The following MAP3K12 variants were observed in gnomAD, a reference collection of about 807,000 sequenced individuals.
MAP3K12 encodes MAPK-upstream kinase.
Under a neutral mutation model 87.5 loss-of-function variants are expected in MAP3K12, and 14 were observed. That is an observed-to-expected ratio of 0.16 (90% CI 0.11 to 0.25). The LOEUF (loss-of-function observed/expected upper bound fraction) is 0.25. Ranked by LOEUF, MAP3K12 falls within the 10% of genes least tolerant of loss-of-function variation. MAP3K12 has a pLI of 1.00. For missense variants in MAP3K12, 802 were observed against 1,140.4 expected, an observed-to-expected ratio of 0.70 and a Z score of 4.27; for synonymous variants, 469 against 452.5, an observed-to-expected ratio of 1.04 and a Z score of -0.46.
In MAP3K12 at chr12:53,492,089, A is replaced by G. The variant is rs189097864; in HGVS notation, c.-37-4661T>C. Among the ~76,000 whole-genome samples the G allele has an allele frequency of 6.1e-3, 899 of 148,378 alleles. 7 individuals carry two copies. Among genetic ancestry groups the G allele is most frequent in the African/African-American group, 0.02 (766 of 38,462 alleles). On this transcript the variant is annotated intron_variant, in intron 1 of 13. Coordinates refer to ENST00000547488, the MANE Select transcript of MAP3K12 (RefSeq NM_001193511.2). ...GACTCTGTTTCAAAAAAAAAAAAAA[A>G]AAGAAGAAGAAGAAAAAGAAGCTCA...
At chr12:53,487,856 T>C (rs1943275991) in intron 1 of MAP3K12, 1 of 165,442 alleles carries the variant, frequency 6.0e-6, no homozygotes, top group East Asian at 1.7e-4. Context: ...GTCTCACATT[T>C]ACACCTTTAC....
In MAP3K12 at chr12:53,486,118, G is replaced by A. The variant is rs751288009; in HGVS notation, c.759C>T (p.Ile253=). The A allele has an allele frequency of 3.7e-6, 6 of 1,614,048 alleles. No individual in the cohort carries two copies. The highest frequency in any genetic ancestry group is 5.1e-6 in the Non-Finnish European group (6 of 1,179,956). The change falls in exon 4 of 14, where the codon ATC becomes ATT. Residue 253 remains isoleucine (I), a synonymous_variant. Coordinates refer to ENST00000547488, the MANE Select transcript of MAP3K12 (RefSeq NM_001193511.2). The surrounding 1 kb of genome is among the most constrained non-coding windows in gnomAD (Gnocchi z 4.9). ...GGTGCAGGTAGTTCATGCCACCAGC[G>A]ATGCCCATGGACCAGTCAACCAGTA... is the stretch of plus-strand genomic sequence containing the variant. ...PSLLVDWSMG[I]AGGMNYLHLH...
chr12:53,491,086 G>A (rs1040650217), intron 1 of MAP3K12, among the ~76,000 whole-genome samples: 3 of 150,826 alleles, frequency 2.0e-5, no homozygotes, highest in Non-Finnish European at 4.4e-5. Flanking sequence ...TCAGGAGTTC[G>A]AGACCAGCCT....
In MAP3K12 at chr12:53,486,151, G is replaced by T. The variant is rs756860062; in HGVS notation, c.726C>A (p.Thr242=). ...YEVLRAGRPV[T]PSLLVDWSMG... ...TGGACCAGTCAACCAGTAAGGAGGG[G>T]GTGACAGGGCGGCCAGCCCGCAGTA... Residue 242 remains threonine, a synonymous_variant, in exon 4 of 14, where the codon ACC becomes ACA. Transcript: ENST00000547488. The surrounding 1 kb of genome is among the most constrained non-coding windows in gnomAD (Gnocchi z 4.9). 2 of 1,614,186 alleles carry T rather than the reference G, an allele frequency of 1.2e-6. No homozygotes were observed. The highest frequency in any genetic ancestry group is 4.5e-5 in the East Asian group (2 of 44,880).
chr12:53,495,564 A>T (rs1038609324), intron 1 of MAP3K12, among the ~76,000 whole-genome samples: 18 of 150,826 alleles, frequency 1.2e-4, no homozygotes, highest in African/African-American at 4.4e-4. Flanking sequence ...AAAAAAAAAA[A>T]AAAATTGTAG....
In MAP3K12 at chr12:53,485,205, G is replaced by C. The variant is rs142538656; in HGVS notation, c.990C>G (p.Gly330=). Residue 330 remains glycine (G), a synonymous_variant, in exon 6 of 14, where the codon GGC becomes GGG. Transcript: ENST00000547488. The stretch of plus-strand genomic sequence containing the variant: ...CAGTCAGCAGTTCCCATAGCACCAC[G>C]CCAAAGGACCTAGGGATGAGGGGAC... ...VSEKVDIWSF[G]VVLWELLTGE... 4 of 1,611,548 alleles carry C rather than the reference G, an allele frequency of 2.5e-6. No individual in the cohort carries two copies. The African/African-American group carries it at 5.3e-5, about 22-fold the overall frequency.
intron 1 of MAP3K12, 29 bp downstream of exon 1, chr12:53,499,398 A>G (rs964935004): frequency 1.9e-5 from 1 of 52,758 alleles, no homozygotes; most frequent in South Asian, 7.7e-4. Flanking sequence ...CCTGCCCCCC[A>G]CCCCCCCACA....
chr12:53,483,466 C>A lies in MAP3K12; in HGVS notation c.1496G>T (p.Arg499Leu). 6 of 1,614,124 alleles carry A rather than the reference C, an allele frequency of 3.7e-6. No individual in the cohort carries two copies. The highest frequency in any genetic ancestry group is 5.1e-6 in the Non-Finnish European group (6 of 1,180,014). ...ELLRREQALERRCPGLLKPHP... is the reference protein window; with the variant it reads ...ELLRREQALELRCPGLLKPHP... ...TGGCTTCAGCAGGCCTGGGCACCTC[C>A]GCTCTAAAGCTTGCTCTCGCCTAAA... The change falls in exon 10 of 14, where the codon CGG becomes CTG. Residue 499 changes from arginine (R) to leucine (L), a missense_variant. Transcript: ENST00000547488.
Position 53,486,313 on chromosome 12 carries a change from C to T in MAP3K12, c.630-66G>A, listed in dbSNP as rs1256550179. The T allele has an allele frequency of 2.1e-5, 32 of 1,549,662 alleles. No individual in the cohort carries two copies. Among genetic ancestry groups the T allele is most frequent in the Non-Finnish European group, 2.7e-5 (31 of 1,143,310 alleles). On this transcript the variant is annotated intron_variant, in intron 3 of 13. Transcript: ENST00000547488. The surrounding 1 kb of genome is among the most constrained non-coding windows in gnomAD (Gnocchi z 4.9). ...GCATTCACCTGATTCATACCTGGAA[C>T]CCCCATTCCCACCCATTCCACCTAT...
At chr12:53,482,421 C>G (rs779706908) in intron 11 of MAP3K12, 52 bp from the exon 12 acceptor site, 1 of 1,609,676 alleles carries the variant, frequency 6.2e-7, no homozygotes, top group Non-Finnish European at 8.5e-7. Flanking sequence ...AAAGAGGTCA[C>G]TAAGAATCCA....
At chr12:53,485,013 T>C in intron 6 of MAP3K12, 43 bp downstream of exon 6, 2 of 1,613,022 alleles carry the variant, frequency 1.2e-6, no homozygotes, top group Non-Finnish European at 1.7e-6. Flanking sequence ...ACCGTGCTTC[T>C]CAACTTCTCC....
Position 53,486,661 on chromosome 12 carries a change from A to T in MAP3K12, c.446-39T>A. On this transcript the variant is annotated intron_variant, in intron 2 of 13. Transcript: ENST00000547488. This position sits in a 1 kb window ranked among gnomAD's most constrained non-coding sequence, Gnocchi z 4.9. ...GCACAGTGCCACAAGCCTCAGAAAG[A>T]GCCACACTCAAGGCCAGGGACAGGA... is the stretch of plus-strand genomic sequence containing the variant. 1 of 1,530,866 alleles carries T rather than the reference A, an allele frequency of 6.5e-7. No homozygotes were observed. The highest frequency in any genetic ancestry group is 8.8e-7 in the Non-Finnish European group (1 of 1,140,406). The allele number at this position is 1,530,866 out of a possible 1,614,324, so 94.8% of individuals were successfully genotyped here.
intron 1 of MAP3K12, among the ~76,000 whole-genome samples, chr12:53,497,832 G>A (rs1316268599): frequency 6.6e-6 from 1 of 152,144 alleles, no homozygotes; most frequent in Admixed American, 6.5e-5. Context: ...CCAGATCCAG[G>A]CAGGGGAGAG....
At chr12:53,496,699 T>C (rs1943555946) in intron 1 of MAP3K12, among the ~76,000 whole-genome samples, 1 of 152,262 alleles carries the variant, frequency 6.6e-6, no homozygotes. Context: ...TGGGTTTACG[T>C]ATATTCCTAG....
At chr12:53,491,583 G>A (rs908996930) in intron 1 of MAP3K12, among the ~76,000 whole-genome samples, 2 of 151,072 alleles carry the variant, frequency 1.3e-5, no homozygotes, top group South Asian at 2.1e-4. Flanking sequence ...ACAGGCGCCC[G>A]CCACGACGCC....
Position 53,481,253 on chromosome 12 carries a change from A to C in MAP3K12, c.2608T>G (p.Cys870Gly). The change falls in exon 14 of 14, where the codon TGT becomes GGT. Residue 870 changes from cysteine to glycine, a missense_variant. Physicochemically the swap from Cys to Gly is radical, Grantham distance 159. This residue lies in a region of MAP3K12 where 490 missense variants were observed against 496.6 expected (regional missense o/e 0.99). Transcript: ENST00000547488. ...GAGTTGTCCAATTCAGTGCTGTCAC[A>C]GTCTGAGTCCTCAGAATTGGGAGGG... Reference protein sequence around the residue: ...RGPPNSEDSDCDSTELDNSNS... With the variant: ...RGPPNSEDSDGDSTELDNSNS... 1 of 1,566,794 alleles carries C rather than the reference A, an allele frequency of 6.4e-7. No individual in the cohort carries two copies. The highest frequency in any genetic ancestry group is 8.6e-7 in the Non-Finnish European group (1 of 1,156,922).
chr12:53,501,119 C>A (rs1943680605), upstream of MAP3K12: 7 of 515,850 alleles, frequency 1.4e-5, no homozygotes, highest in Non-Finnish European at 2.4e-5. Context: ...GTATTACAAA[C>A]AAAAAAATAC....
chr12:53,490,130 C>G (rs1434818943), intron 1 of MAP3K12, among the ~76,000 whole-genome samples: 1 of 152,026 alleles, frequency 6.6e-6, no homozygotes, highest in Non-Finnish European at 1.5e-5. Flanking sequence ...TGGTGAAACC[C>G]CGTCTCTACT....
At chr12:53,483,552 A>T in intron 9 of MAP3K12, 55 bp downstream of exon 9, 1 of 1,613,834 alleles carries the variant, frequency 6.2e-7, no homozygotes, top group Non-Finnish European at 8.5e-7. Context: ...TCTCAGTAGG[A>T]CCTCTAAGGC....
Sources: gnomAD v4.1 joint callset for allele counts (sites outside exome capture counted in the v4.1 genomes callset) on GRCh38, gnomAD v4.1.1 for gene constraint, gnomAD v4.1.1 regional missense constraint, Gnocchi (gnomAD v3.1) non-coding constraint, MANE v1.5 for transcripts, NCBI Gene and HGNC (gene_info 2026-07-23, HGNC 2026-07-21) for gene names.